The following XRCC4 variants were observed in gnomAD, a reference collection of about 807,000 sequenced individuals.
The protein encoded by XRCC4 is X-ray repair cross complementing 4, also known as DNA repair protein XRCC4.
Under a neutral mutation model 39.1 loss-of-function variants are expected in XRCC4, and 28 were observed. The ratio of observed to expected loss-of-function variants is 0.72; its 90% CI spans 0.53 to 0.98. The LOEUF is 0.98. Among genes scored for constraint, XRCC4 ranks in the 50% least tolerant of loss-of-function variants. The pLI, the probability that XRCC4 is intolerant of heterozygous loss-of-function variation, is 0.00. For synonymous variants in XRCC4, 123 were observed against 126.4 expected (o/e 0.97, Z 0.18); for missense variants, 350 against 376.4 (o/e 0.93, Z 0.58).
chr5:83,281,504 GTT>G (rs1430319385), intron 7 of XRCC4, among the ~76,000 whole-genome samples: 2 of 132,378 alleles, frequency 1.5e-5, no homozygotes, highest in Admixed American at 7.2e-5. Flanking sequence ...TTTTTGTTTT[GTT>G]TTTTTTTTTT....
chr5:83,165,793 A>G (rs1241654575), intron 3 of XRCC4, among the ~76,000 whole-genome samples: 2 of 151,536 alleles, frequency 1.3e-5, no homozygotes, highest in Non-Finnish European at 2.9e-5. Context: ...GCTTCCATCC[A>G]TGTCCTGCAA....
intron 6 of XRCC4, among the ~76,000 whole-genome samples, chr5:83,251,231 A>G (rs144120170): frequency 2.0e-3 from 307 of 152,314 alleles, no homozygotes; most frequent in Non-Finnish European, 3.8e-3. Flanking sequence ...TTAAGAAACA[A>G]TTTTAACAAA....
chr5:83,349,005 C>T (rs1757002728), intron 7 of XRCC4, among the ~76,000 whole-genome samples: 1 of 152,098 alleles, frequency 6.6e-6, no homozygotes, highest in African/African-American at 2.4e-5. Context: ...CTTTATTGTC[C>T]ATATCACCAT....
At chr5:83,176,814 G>C (rs1232207291) in intron 3 of XRCC4, among the ~76,000 whole-genome samples, 1 of 151,944 alleles carries the variant, frequency 6.6e-6, no homozygotes, top group Non-Finnish European at 1.5e-5. Context: ...AAGTGTTGGG[G>C]TTTCGCCATG....
At chr5:83,308,614 G>A (rs1580493621) in intron 7 of XRCC4, among the ~76,000 whole-genome samples, 1 of 152,052 alleles carries the variant, frequency 6.6e-6, no homozygotes, top group African/African-American at 2.4e-5. Flanking sequence ...CTAAGAACAT[G>A]TAGGTACTTG....
chr5:83,222,312 G>A (rs1256182810), intron 6 of XRCC4, among the ~76,000 whole-genome samples: 3 of 151,968 alleles, frequency 2.0e-5, no homozygotes, highest in African/African-American at 7.2e-5. Flanking sequence ...CAACATATCC[G>A]TGATTTATTA....
At chr5:83,364,141 T>C in the XRCC4 span, among the ~76,000 whole-genome samples, 1 of 152,210 alleles carries the variant, frequency 6.6e-6, no homozygotes, top group Non-Finnish European at 1.5e-5. Context: ...TTTTATTCCC[T>C]GGGATTTTGA....
At chr5:83,270,804 G>C (rs1313869277) in intron 7 of XRCC4, among the ~76,000 whole-genome samples, 4 of 90,458 alleles carry the variant, frequency 4.4e-5, no homozygotes. Context: ...TTTTTTTTTT[G>C]AGACAGAGTC....
intron 3 of XRCC4, among the ~76,000 whole-genome samples, chr5:83,185,660 A>G (rs1043727311): frequency 6.6e-6 from 1 of 151,978 alleles, no homozygotes; most frequent in East Asian, 1.9e-4. Flanking sequence ...TATAATAATT[A>G]AAACAGCATG....
intron 7 of XRCC4, among the ~76,000 whole-genome samples, chr5:83,277,339 A>G (rs1754370463): frequency 6.6e-6 from 1 of 152,220 alleles, no homozygotes; most frequent in Non-Finnish European, 1.5e-5. Context: ...TGACATGTGT[A>G]ACTTCTGAGC....
intron 3 of XRCC4, among the ~76,000 whole-genome samples, chr5:83,112,544 G>A (rs921122512): frequency 1.3e-5 from 2 of 152,130 alleles, no homozygotes; most frequent in South Asian, 2.1e-4. Context: ...GCTAAAAGAC[G>A]GGGCTTGGTA....
intron 7 of XRCC4, among the ~76,000 whole-genome samples, chr5:83,338,263 G>T (rs1756652174): frequency 6.6e-6 from 1 of 152,212 alleles, no homozygotes; most frequent in Admixed American, 6.5e-5. Context: ...TAGGCTAAAA[G>T]GGAAAGAAGT....
At chr5:83,312,144 G>A (rs1755729982) in intron 7 of XRCC4, among the ~76,000 whole-genome samples, 1 of 152,118 alleles carries the variant, frequency 6.6e-6, no homozygotes, top group Non-Finnish European at 1.5e-5. Flanking sequence ...TCAAGACTTT[G>A]CTTGTTGGGG....
In XRCC4 at chr5:83,139,619, G is replaced by T. The variant is rs79482119; in HGVS notation, c.315+28416G>T. On this transcript the variant is annotated intron_variant, in intron 3 of 7. Transcript: ENST00000396027. ...CGTTAGGTGATTTCTTTGATGATGT[G>T]CAAACATCATAGAGTATACTTAATA... Among the ~76,000 whole-genome samples the T allele has an allele frequency of 2.9e-3, 440 of 152,230 alleles. 11 individuals are homozygous for T. In the East Asian group the frequency reaches 0.074, roughly 26 times the overall value.
chr5:83,314,880 A>G (rs138530446), intron 7 of XRCC4, among the ~76,000 whole-genome samples: 3 of 152,068 alleles, frequency 2.0e-5, no homozygotes, highest in Non-Finnish European at 4.4e-5. Flanking sequence ...AACAATATTG[A>G]TATTAGGCCA....
At chr5:83,182,612 T>G (rs28360109) in intron 3 of XRCC4, among the ~76,000 whole-genome samples, 2,314 of 152,312 alleles carry the variant, frequency 0.015, 57 homozygotes, top group African/African-American at 0.052. Flanking sequence ...GTTGCAGTGT[T>G]TGAATGTTTG....
the XRCC4 span, among the ~76,000 whole-genome samples, chr5:83,371,303 A>T: frequency 1.3e-5 from 2 of 152,194 alleles, no homozygotes; most frequent in African/African-American, 4.8e-5. Context: ...CTTCCTCACT[A>T]GAACACTTAG....
chr5:83,105,428 G>A (rs1426835258), intron 2 of XRCC4, among the ~76,000 whole-genome samples: 4 of 152,148 alleles, frequency 2.6e-5, no homozygotes, highest in Non-Finnish European at 5.9e-5. Context: ...TATGTGTGTT[G>A]CCTTGGGGCA....
At chr5:83,133,192 T>C (rs888198577) in intron 3 of XRCC4, among the ~76,000 whole-genome samples, 6 of 151,776 alleles carry the variant, frequency 4.0e-5, no homozygotes, top group African/African-American at 1.4e-4. Context: ...CATCGGAGGC[T>C]GCAGAATAGC....
Sources: gnomAD v4.1 joint callset for allele counts (sites outside exome capture counted in the v4.1 genomes callset) on GRCh38, gnomAD v4.1.1 for gene constraint, MANE v1.5 for transcripts, NCBI Gene and HGNC (gene_info 2026-07-23, HGNC 2026-07-21) for gene names.